The following CACNG3 variants were observed in gnomAD, a reference collection of about 807,000 sequenced individuals.
CACNG3 encodes the protein voltage-dependent calcium channel gamma-3 subunit.
In CACNG3, 3 loss-of-function variants were observed where a neutral mutation model predicts 28.5. The observed-to-expected ratio is 0.11, with a 90% confidence interval of 0.05 to 0.27. The LOEUF is 0.27. Ranked by LOEUF, CACNG3 falls within the 10% of genes least tolerant of loss-of-function variation. The probability of loss-of-function intolerance (pLI) is 1.00; values close to 1 mark genes in which losing one functional copy is unlikely to be tolerated. For missense variants in CACNG3, 236 were observed against 414.4 expected (o/e 0.57, Z 3.74); for synonymous variants, 174 against 162.2 (o/e 1.07, Z -0.55).
At chr16:24,316,989 A>G (rs1018980417) in intron 1 of CACNG3, among the ~76,000 whole-genome samples, 1 of 152,180 alleles carries the variant, frequency 6.6e-6, no homozygotes. Context: ...CAGGGAGAAA[A>G]TCTAATATAA....
At chr16:24,348,325 C>A (rs1899896951) in intron 2 of CACNG3, among the ~76,000 whole-genome samples, 1 of 151,754 alleles carries the variant, frequency 6.6e-6, no homozygotes, top group African/African-American at 2.4e-5. Context: ...ATTGCTTGAG[C>A]CCAGGAAGCT....
At chr16:24,277,425 A>G (rs1301095835) in intron 1 of CACNG3, among the ~76,000 whole-genome samples, 1 of 152,108 alleles carries the variant, frequency 6.6e-6, no homozygotes, top group African/African-American at 2.4e-5. Context: ...AGCCCCTACA[A>G]CACAGCATTA....
intron 1 of CACNG3, among the ~76,000 whole-genome samples, chr16:24,269,841 C>CTG: frequency 6.7e-6 from 1 of 148,742 alleles, no homozygotes; most frequent in South Asian, 2.1e-4. Context: ...AAAAGAAAAT[C>CTG]TGTGTTATTT....
intron 2 of CACNG3, among the ~76,000 whole-genome samples, chr16:24,351,829 CTCTTT>C (rs1290989981): frequency 5.7e-5 from 7 of 122,370 alleles, no homozygotes; most frequent in African/African-American, 1.4e-4. Context: ...CTCTCTCTCT[CTCTTT>C]TTTTTTTTTT....
intron 1 of CACNG3, among the ~76,000 whole-genome samples, chr16:24,322,986 G>A (rs1899485378): frequency 6.6e-6 from 1 of 152,116 alleles, no homozygotes. Context: ...AGCACTTTGG[G>A]AGGTTGAGGT....
intron 1 of CACNG3, among the ~76,000 whole-genome samples, chr16:24,303,725 C>T (rs539029084): frequency 1.6e-4 from 24 of 152,230 alleles, no homozygotes; most frequent in Non-Finnish European, 2.9e-4. Context: ...CAAGACCAGC[C>T]TGGGCAATGT....
At chr16:24,334,412 C>A (rs1416382976) in intron 1 of CACNG3, among the ~76,000 whole-genome samples, 1 of 152,184 alleles carries the variant, frequency 6.6e-6, no homozygotes, top group Non-Finnish European at 1.5e-5. Flanking sequence ...CCAGAGCCTG[C>A]TCTGAAGTGA....
intron 1 of CACNG3, among the ~76,000 whole-genome samples, chr16:24,290,002 A>C (rs1472930942): frequency 1.3e-5 from 2 of 152,262 alleles, no homozygotes; most frequent in African/African-American, 4.8e-5. Context: ...GGAGTATTAC[A>C]GAGGCTTGCG....
intron 1 of CACNG3, among the ~76,000 whole-genome samples, chr16:24,335,610 A>T (rs1476082784): frequency 6.6e-6 from 1 of 152,182 alleles, no homozygotes; most frequent in Admixed American, 6.5e-5. Flanking sequence ...AGCAACTTGC[A>T]GAGCTGGGAT....
chr16:24,263,259 T>C (rs1261731850), intron 1 of CACNG3, among the ~76,000 whole-genome samples: 1 of 152,240 alleles, frequency 6.6e-6, no homozygotes, highest in Non-Finnish European at 1.5e-5. Flanking sequence ...TAATCTTATT[T>C]CAAAACCTTT....
intron 1 of CACNG3, among the ~76,000 whole-genome samples, chr16:24,267,626 C>G (rs1898631455): frequency 6.6e-6 from 1 of 151,784 alleles, no homozygotes; most frequent in East Asian, 1.9e-4. Flanking sequence ...TAACAAACAC[C>G]TTCTATGTGC....
chr16:24,260,104 A>G (rs1398620291), intron 1 of CACNG3, among the ~76,000 whole-genome samples: 1 of 152,238 alleles, frequency 6.6e-6, no homozygotes, highest in Non-Finnish European at 1.5e-5. Context: ...TTCTGTAGGT[A>G]AGTTATATCC....
Position 24,308,839 on chromosome 16 carries a change from C to CAA in CACNG3, c.212-37868_212-37867dup, listed in dbSNP as rs71154298. Among the ~76,000 whole-genome samples, 55 of 27,268 alleles carry CAA rather than the reference C, an allele frequency of 2.0e-3. 1 individual carries two copies. Among genetic ancestry groups the CAA allele is most frequent in the African/African-American group, 3.5e-3 (33 of 9,548 alleles). 17.9% of individuals were successfully genotyped at this position (27,268 alleles called of 152,430 possible). A position where few individuals can be genotyped will look rare whatever the true frequency, so the allele number is the denominator to read the frequency against. On this transcript the variant is annotated intron_variant, in intron 1 of 3. Coordinates refer to ENST00000005284, the MANE Select transcript of CACNG3 (RefSeq NM_006539.4). ...TGGCTGATGGAGTGAGAACCTACCTCAAAAAAAAAAAAAAAAAAAAAAAAA... is the reference window on the plus strand; with the variant it reads ...TGGCTGATGGAGTGAGAACCTACCTCAAAAAAAAAAAAAAAAAAAAAAAAAAA...
At chr16:24,315,513 TTTTC>T (rs934638752) in intron 1 of CACNG3, among the ~76,000 whole-genome samples, 21 of 150,942 alleles carry the variant, frequency 1.4e-4, no homozygotes, top group African/African-American at 4.6e-4. Flanking sequence ...TCTTTCTTTC[TTTTC>T]CTTCTTTCTT....
At chr16:24,345,979 C>T (rs991568735) in intron 1 of CACNG3, among the ~76,000 whole-genome samples, 10 of 152,050 alleles carry the variant, frequency 6.6e-5, no homozygotes, top group Non-Finnish European at 1.5e-5. Flanking sequence ...TTTACATCAA[C>T]CTAAATAGCT....
At chr16:24,343,498 C>T (rs1899817380) in intron 1 of CACNG3, among the ~76,000 whole-genome samples, 1 of 152,138 alleles carries the variant, frequency 6.6e-6, no homozygotes, top group South Asian at 2.1e-4. Flanking sequence ...ACACCCTTCC[C>T]CTGCCCAGGT....
intron 1 of CACNG3, among the ~76,000 whole-genome samples, chr16:24,341,095 G>T (rs553969644): frequency 6.6e-6 from 1 of 152,332 alleles, no homozygotes; most frequent in African/African-American, 2.4e-5. Flanking sequence ...ACTGATATGG[G>T]AGGATACTCC....
intron 1 of CACNG3, 128 bp downstream of exon 1, chr16:24,257,093 G>A (rs1898469098): frequency 4.5e-6 from 3 of 666,374 alleles, no homozygotes; most frequent in Non-Finnish European, 5.3e-6. Flanking sequence ...ATGTGCAGGT[G>A]CCCAGACTCT....
intron 1 of CACNG3, among the ~76,000 whole-genome samples, chr16:24,257,361 T>TG (rs1236477291): frequency 1.6e-5 from 1 of 61,444 alleles, no homozygotes; most frequent in Non-Finnish European, 3.1e-5. Context: ...AGGAAAGAAG[T>TG]GAGGGGGGAG....
Sources: allele counts gnomAD v4.1 joint callset (sites outside exome capture counted in the v4.1 genomes callset), GRCh38; gene constraint gnomAD v4.1.1; transcripts MANE v1.5; gene names NCBI Gene and HGNC (gene_info 2026-07-23, HGNC 2026-07-21).